Variants in FHIT observed in about 807,000 individuals in gnomAD.
FHIT encodes the protein bis(5'-adenosyl)-triphosphatase.
Under a neutral mutation model 17.9 loss-of-function variants are expected in FHIT, and 19 were observed. The ratio of observed to expected loss-of-function variants is 1.06; its 90% confidence interval spans 0.74 to 1.56. The LOEUF (loss-of-function observed/expected upper bound fraction) is 1.56, where lower values mean the gene tolerates loss of function less well. FHIT is among the 40% of genes most tolerant of loss of function. The pLI is 0.00. For synonymous variants in FHIT, 81 were observed against 69.7 expected (o/e 1.16, Z -0.81); for missense variants, 248 against 189.2 (o/e 1.31, Z -1.82).
intron 5 of FHIT, among the ~76,000 whole-genome samples, chr3:60,462,096 C>G (rs369467689): frequency 2.0e-5 from 3 of 152,062 alleles, no homozygotes; most frequent in African/African-American, 7.2e-5. Flanking sequence ...TCAGCAGGAC[C>G]GGGGGGATGT....
intron 3 of FHIT, among the ~76,000 whole-genome samples, chr3:60,840,432 T>C (rs1702683701): frequency 6.6e-6 from 1 of 152,216 alleles, no homozygotes; most frequent in Non-Finnish European, 1.5e-5. Context: ...ACTTGACATG[T>C]GAATGAATCA....
chr3:60,141,640 G>C (rs953910257), intron 5 of FHIT, among the ~76,000 whole-genome samples: 2 of 152,130 alleles, frequency 1.3e-5, no homozygotes, highest in African/African-American at 4.8e-5. Context: ...ATTCTGCCTA[G>C]AGCCAATGTT....
intron 4 of FHIT, among the ~76,000 whole-genome samples, chr3:60,621,353 A>T (rs1333879514): frequency 1.3e-5 from 2 of 151,492 alleles, no homozygotes; most frequent in Non-Finnish European, 1.5e-5. Context: ...TTTACATTAC[A>T]ATGGCCAGGC....
At chr3:60,755,105 T>G (rs948440673) in intron 4 of FHIT, among the ~76,000 whole-genome samples, 3 of 152,214 alleles carry the variant, frequency 2.0e-5, no homozygotes, top group Admixed American at 2.0e-4. Context: ...TTCAAGTATA[T>G]AAATCCTACC....
At chr3:60,494,657 T>C (rs572614761) in intron 5 of FHIT, among the ~76,000 whole-genome samples, 1 of 152,274 alleles carries the variant, frequency 6.6e-6, no homozygotes, top group South Asian at 2.1e-4. Context: ...TAATACTCCT[T>C]CTACTTACTA....
intron 5 of FHIT, among the ~76,000 whole-genome samples, chr3:60,031,527 CTG>C (rs1316021775): frequency 6.6e-6 from 1 of 152,096 alleles, no homozygotes. Context: ...CCATTTGACT[CTG>C]GGCAAATAAA....
chr3:60,783,122 T>C (rs1553726052), intron 4 of FHIT, among the ~76,000 whole-genome samples: 2 of 151,480 alleles, frequency 1.3e-5, no homozygotes, highest in Admixed American at 6.6e-5. Flanking sequence ...TAGCTGGAAC[T>C]ACAGGAGTGC....
chr3:60,994,011 T>G (rs2030468940), intron 3 of FHIT, among the ~76,000 whole-genome samples: 1 of 152,168 alleles, frequency 6.6e-6, no homozygotes, highest in Admixed American at 6.5e-5. Flanking sequence ...TTTCAGAGAT[T>G]TACTACCAAA....
At chr3:60,448,648 A>T (rs992518993) in intron 5 of FHIT, among the ~76,000 whole-genome samples, 2 of 152,166 alleles carry the variant, frequency 1.3e-5, no homozygotes, top group Non-Finnish European at 2.9e-5. Flanking sequence ...TCTTAACCGC[A>T]TTGCTTTACT....
chr3:60,364,271 C>T (rs556580513), intron 5 of FHIT, among the ~76,000 whole-genome samples: 134 of 152,306 alleles, frequency 8.8e-4, no homozygotes, highest in Non-Finnish European at 1.7e-3. Flanking sequence ...AAGTGAAATG[C>T]TCTTCACCAC....
intron 3 of FHIT, among the ~76,000 whole-genome samples, chr3:60,927,459 G>A (rs1436921673): frequency 6.6e-6 from 1 of 152,174 alleles, no homozygotes; most frequent in East Asian, 1.9e-4. Flanking sequence ...TCTGGGATGT[G>A]AGGAGCCCCT....
chr3:60,033,729 C>A (rs1701097233), intron 5 of FHIT, among the ~76,000 whole-genome samples: 1 of 152,128 alleles, frequency 6.6e-6, no homozygotes, highest in African/African-American at 2.4e-5. Flanking sequence ...ACAGGCCATC[C>A]TTTGTATTGT....
intron 8 of FHIT, among the ~76,000 whole-genome samples, chr3:59,810,395 G>A (rs1700368157): frequency 6.6e-6 from 1 of 152,148 alleles, no homozygotes; most frequent in African/African-American, 2.4e-5. Context: ...GTCTGCAAGG[G>A]CAGCTCCTCA....
intron 2 of FHIT, among the ~76,000 whole-genome samples, chr3:61,064,546 A>G (rs966129729): frequency 2.0e-5 from 3 of 152,176 alleles, no homozygotes; most frequent in African/African-American, 4.8e-5. Flanking sequence ...TACTGAATAC[A>G]TTCTAATGAA....
At chr3:60,875,923 ATG>A (rs60177380) in intron 3 of FHIT, among the ~76,000 whole-genome samples, 6,969 of 136,808 alleles carry the variant, frequency 0.051, 471 homozygotes, top group African/African-American at 0.16. Context: ...AAACTTATTC[ATG>A]TGTGTGTGTG....
At chr3:60,363,582 G>T (rs1699990088) in intron 5 of FHIT, among the ~76,000 whole-genome samples, 1 of 152,042 alleles carries the variant, frequency 6.6e-6, no homozygotes, top group African/African-American at 2.4e-5. Context: ...TTTTTCCAAG[G>T]TTATACAGCT....
At chr3:60,185,334 G>T (rs561391065) in intron 5 of FHIT, among the ~76,000 whole-genome samples, 10 of 152,186 alleles carry the variant, frequency 6.6e-5, no homozygotes, top group African/African-American at 2.4e-4. Flanking sequence ...CCATCTCCAT[G>T]GTTTTGTCTT....
rs546252917 is a variant in FHIT, at chr3:59,763,100, G to C, written c.349-10779C>G. On this transcript the variant is annotated intron_variant, in intron 8 of 9. Coordinates refer to ENST00000492590, the MANE Select transcript of FHIT (RefSeq NM_002012.4). ...GCAAGACTGTTCTCCTTTAATCCTA[G>C]AGTGATGTCAACCCACAGTACTCAG... 3.9e-5 allele frequency among the ~76,000 whole-genome samples: 6 copies of C among 152,316 alleles called. No individual in the cohort carries two copies. The South Asian group carries it at 1.0e-3, about 26-fold the overall frequency.
chr3:61,044,074 T>C (rs2107698770), intron 2 of FHIT, among the ~76,000 whole-genome samples: 1 of 152,242 alleles, frequency 6.6e-6, no homozygotes, highest in East Asian at 1.9e-4. Flanking sequence ...GAGCGCCTCT[T>C]CTCCTCGAAA....
Sources: allele counts gnomAD v4.1 joint callset (sites outside exome capture counted in the v4.1 genomes callset), GRCh38; gene constraint gnomAD v4.1.1; transcripts MANE v1.5; gene names NCBI Gene and HGNC (gene_info 2026-07-23, HGNC 2026-07-21).